ZDHHC24: variants seen among roughly 807,000 people sequenced by gnomAD.
The protein encoded by ZDHHC24 is zDHHC palmitoyltransferase 24, also known as probable palmitoyltransferase ZDHHC24.
A neutral mutation model predicts 23.2 loss-of-function variants in ZDHHC24; 17 were observed. The observed-to-expected ratio is 0.73, with a 90% CI of 0.50 to 1.10. The LOEUF is 1.10. Ranked by LOEUF, ZDHHC24 falls within the 50% of genes least tolerant of loss-of-function variation. The pLI is 0.00. For missense variants in ZDHHC24, 366 were observed against 393.0 expected (o/e 0.93, Z 0.58); for synonymous variants, 186 against 194.5 (o/e 0.96, Z 0.36).
exon 5 of ZDHHC24, chr11:66,521,398 G>A (rs774243213): frequency 1.5e-5 from 24 of 1,586,292 alleles, no homozygotes; most frequent in Middle Eastern, 1.7e-4. Flanking sequence ...CGTGGTCTCC[G>A]GGGCCGGGAG....
chr11:66,529,412 A>G, exon 3 of ZDHHC24: 1 of 1,062,768 alleles, frequency 9.4e-7, no homozygotes. Context: ...GCTGCTGGAG[A>G]CACATGCACA....
rs141457375 is a variant in ZDHHC24, at chr11:66,539,793, G to T, written c.591C>A (p.Ala197=). 2.0e-4 allele frequency: 319 copies of T among 1,610,822 alleles called. No homozygotes were observed. Among genetic ancestry groups the T allele is most frequent in the Middle Eastern group, 5.1e-4 (3 of 5,860 alleles). Residue 197 remains alanine (A), a synonymous_variant, in exon 3 of 3, where the codon GCC becomes GCA. Transcript: ENST00000310442. ...GRVSLAQFAL[A]FVTDTCVAGA... is the part of the protein sequence containing the mutation. The stretch of plus-strand genomic sequence containing the variant: ...CCGCCACGCACGTGTCCGTCACGAA[G>T]GCCAAGGCAAACTGTGCCAGAGACA...
chr11:66,523,982 C>T, intron 4 of ZDHHC24: 4 of 1,544,734 alleles, frequency 2.6e-6, no homozygotes, highest in Non-Finnish European at 8.8e-7. Flanking sequence ...TGATGCATTT[C>T]AAAAACATTT....
intron 4 of ZDHHC24, chr11:66,523,307 G>A: frequency 3.7e-6 from 4 of 1,076,476 alleles, no homozygotes; most frequent in Non-Finnish European, 4.3e-6. Flanking sequence ...CATTTACTAA[G>A]GTGGCAGAAG....
chr11:66,532,286 C>T (rs1856819369), downstream of ZDHHC24: 1 of 554,826 alleles, frequency 1.8e-6, no homozygotes, highest in African/African-American at 1.9e-5. Flanking sequence ...CTACGCCCTC[C>T]CCTCCCCAGC....
intron 4 of ZDHHC24, chr11:66,524,260 AC>A: frequency 2.9e-6 from 1 of 340,578 alleles, no homozygotes; most frequent in East Asian, 7.7e-5. Flanking sequence ...AGCCTGGACA[AC>A]AGAGCGAGAC....
rs1284906055 is a variant in ZDHHC24, at chr11:66,521,252, T to C, written c.*236A>G. Reference sequence around the variant, plus strand: ...GGGGCTCCAGAGAAATTGGAGTGTTTGCGCTTCTTGTTTGCAGATGAGCCT... The same window carrying C: ...GGGGCTCCAGAGAAATTGGAGTGTTCGCGCTTCTTGTTTGCAGATGAGCCT... On this transcript the variant is annotated 3_prime_UTR_variant, in exon 5 of 5. Coordinates refer to the ZDHHC24 transcript ENST00000526986. 8.1e-6 allele frequency: 13 copies of C among 1,602,286 alleles called. No homozygotes were observed. The highest frequency in any genetic ancestry group is 1.3e-5 in the African/African-American group (1 of 74,682).
chr11:66,533,685 C>T (rs953072137), downstream of ZDHHC24: 1 of 152,194 alleles, frequency 6.6e-6, no homozygotes, highest in African/African-American at 2.4e-5. Flanking sequence ...CTTCCCCCAC[C>T]ATCTGACAGC....
At chr11:66,521,667 A>C (rs1488156415) in intron 4 of ZDHHC24, 1 of 388,968 alleles carries the variant, frequency 2.6e-6, no homozygotes, top group Non-Finnish European at 4.9e-6. Context: ...GCACTTTGGG[A>C]GGCCGAGGCA....
intron 4 of ZDHHC24, chr11:66,524,034 C>T (rs574584475): frequency 8.7e-7 from 1 of 1,151,338 alleles, no homozygotes; most frequent in Admixed American, 2.0e-5. Flanking sequence ...AATCCCAGCA[C>T]TTTGGGAGGC....
downstream of ZDHHC24, chr11:66,532,075 A>T (rs1244229127): frequency 1.9e-6 from 3 of 1,570,322 alleles, no homozygotes; most frequent in Non-Finnish European, 2.6e-6. Flanking sequence ...ACAATCAGCC[A>T]GGGAGAACTG....
chr11:66,526,956 C>T, exon 4 of ZDHHC24: 1 of 1,570,922 alleles, frequency 6.4e-7, no homozygotes. Flanking sequence ...CCAGGGACAG[C>T]CTAGGAGGTA....
chr11:66,521,131 A>AG (rs1310026338), exon 5 of ZDHHC24: 1 of 732,688 alleles, frequency 1.4e-6, no homozygotes, highest in East Asian at 2.7e-5. Flanking sequence ...TCCCTCCTGA[A>AG]AAACTGTATG....
In ZDHHC24 at chr11:66,529,966, T is replaced by TGAG. The variant is rs748694674; in HGVS notation, c.560-481_560-479dup. On this transcript the variant is annotated intron_variant, in intron 2 of 4. Coordinates refer to the ZDHHC24 transcript ENST00000526986. The stretch of plus-strand genomic sequence containing the variant: ...CTGCACGCCGTGGTGAGCATCTGGG[T>TGAG]GAGGGCAGAGTCAGGGCCAGAGGGG... 1.9e-4 allele frequency: 297 copies of TGAG among 1,595,986 alleles called. No individual in the cohort carries two copies. The highest frequency in any genetic ancestry group is 2.3e-4 in the Non-Finnish European group (267 of 1,177,102).
Position 66,535,675 on chromosome 11 carries a change from A to G in ZDHHC24, c.*3854T>C, listed in dbSNP as rs1187497375. ...TATTGAAAACATTGAGTGCAGAAAT[A>G]AACCCTGCTCATGAATGGGAAAATT... On this transcript the variant is annotated 3_prime_UTR_variant, in exon 3 of 3. Transcript: ENST00000310442. Among the ~76,000 whole-genome samples the G allele has an allele frequency of 6.6e-6, 1 of 152,250 alleles. No homozygotes were observed. The highest frequency in any genetic ancestry group is 1.5e-5 in the Non-Finnish European group (1 of 68,054).
intron 2 of ZDHHC24, chr11:66,529,500 A>T (rs1278348796): frequency 1.4e-6 from 1 of 727,574 alleles, no homozygotes; most frequent in Non-Finnish European, 2.5e-6. Context: ...TGGGGGAAGA[A>T]GATGGAGGAT....
chr11:66,526,247 C>T, intron 4 of ZDHHC24: 13 of 1,541,820 alleles, frequency 8.4e-6, no homozygotes, highest in Non-Finnish European at 1.2e-5. Context: ...AGGGACAGGC[C>T]TGCTTCTGGG....
chr11:66,526,641 T>C, intron 4 of ZDHHC24: 1 of 1,614,216 alleles, frequency 6.2e-7, no homozygotes, highest in African/African-American at 1.3e-5. Flanking sequence ...CACTGTCCAC[T>C]TCCCTAGGTG....
exon 5 of ZDHHC24, chr11:66,521,436 G>T (rs1856212858): frequency 7.3e-7 from 1 of 1,365,620 alleles, no homozygotes; most frequent in African/African-American, 1.4e-5. Context: ...GGTGGCTTCA[G>T]AGGCTTGCAA....
Sources: allele counts gnomAD v4.1 joint callset (sites outside exome capture counted in the v4.1 genomes callset), GRCh38; gene constraint gnomAD v4.1.1; transcripts MANE v1.5; gene names NCBI Gene and HGNC (gene_info 2026-07-23, HGNC 2026-07-21).